Variants in PKHD1L1 observed in about 807,000 individuals in gnomAD.
PKHD1L1 encodes PKHD1 like 1.
In PKHD1L1, 434 loss-of-function variants were observed where a neutral mutation model predicts 462.9. The ratio of observed to expected loss-of-function variants is 0.94; its 90% CI spans 0.87 to 1.02. PKHD1L1 has a LOEUF of 1.02. Among genes scored for constraint, PKHD1L1 ranks in the 50% least tolerant of loss-of-function variants. PKHD1L1 has a pLI of 0.00. For missense variants in PKHD1L1, 5,202 were observed against 5,096.1 expected (o/e 1.02, Z -0.63); for synonymous variants, 1,781 against 1,750.0 (o/e 1.02, Z -0.44).
At position 109,389,160 on chromosome 8, in the gene PKHD1L1, T is replaced by C; in HGVS notation, c.697+8T>C. 2 of 1,598,022 alleles carry C rather than the reference T, an allele frequency of 1.3e-6. No individual in the cohort carries two copies. The highest frequency in any genetic ancestry group is 1.1e-5 in the South Asian group (1 of 90,344). On this transcript the variant is annotated splice_region_variant and intron_variant, in intron 8 of 77. Transcript: ENST00000378402. ...CGACTGGAACTTTTATTGGCAAGTG[T>C]TGGTCATCTTTCTTCATAATGCTCA...
rs1821006104 is a variant in PKHD1L1, at chr8:109,530,265, ATTTGT to A, written c.*180_*184del. 6.0e-6 allele frequency: 2 copies of A among 334,086 alleles called. No homozygotes were observed. Among genetic ancestry groups the A allele is most frequent in the African/African-American group, 2.2e-5 (1 of 45,964 alleles). 20.7% of individuals were successfully genotyped at this position (334,086 alleles called of 1,614,324 possible). ...AAAATCAGATTTCTTCAAAATATAAATTTGTTTTGATTCTTTATATTTATATGTTT... is the reference window on the plus strand; with the variant it reads ...AAAATCAGATTTCTTCAAAATATAAATTTGATTCTTTATATTTATATGTTT... On this transcript the variant is annotated 3_prime_UTR_variant, in exon 78 of 78. Coordinates refer to ENST00000378402, the MANE Select transcript of PKHD1L1 (RefSeq NM_177531.6).
At chr8:109,363,073 C>T (rs1220725958) in intron 1 of PKHD1L1, among the ~76,000 whole-genome samples, 3 of 152,166 alleles carry the variant, frequency 2.0e-5, no homozygotes, top group Admixed American at 2.0e-4. Context: ...CCCAGTAGGA[C>T]GGGGATGGGA....
At chr8:109,483,670 AAT>A (rs1482038512) in intron 57 of PKHD1L1, among the ~76,000 whole-genome samples, 1 of 150,860 alleles carries the variant, frequency 6.6e-6, no homozygotes, top group Non-Finnish European at 1.5e-5. Flanking sequence ...ATAAAAGAAA[AAT>A]ATGAACATTT....
intron 37 of PKHD1L1, among the ~76,000 whole-genome samples, chr8:109,444,264 C>T (rs1407401636): frequency 6.6e-6 from 1 of 152,108 alleles, no homozygotes; most frequent in Non-Finnish European, 1.5e-5. Flanking sequence ...AATATGTGGT[C>T]CATTGTGACC....
At chr8:109,524,767 T>C (rs2131038626) in intron 76 of PKHD1L1, among the ~76,000 whole-genome samples, 1 of 152,120 alleles carries the variant, frequency 6.6e-6, no homozygotes. Flanking sequence ...TCTTCACCTG[T>C]GTGTTTCCTT....
rs559521963 is a variant in PKHD1L1, at chr8:109,444,585, T to C, written c.4792-76T>C. The C allele has an allele frequency of 1.0e-3, 1,368 of 1,329,066 alleles. 1 individual carries two copies. Among genetic ancestry groups the C allele is most frequent in the Non-Finnish European group, 1.3e-3 (1,272 of 970,566 alleles). 82.3% of individuals were successfully genotyped at this position (1,329,066 alleles called of 1,614,324 possible). A position where few individuals can be genotyped will look rare whatever the true frequency, so the allele number is the denominator to read the frequency against. On this transcript the variant is annotated intron_variant, in intron 37 of 77. Coordinates refer to ENST00000378402, the MANE Select transcript of PKHD1L1 (RefSeq NM_177531.6). Reference sequence around the variant, plus strand: ...CATGATTAACTTTTAAAATTTGTAGTTGTTGCTAATACAAAATTTGTTTAT... The same window carrying C: ...CATGATTAACTTTTAAAATTTGTAGCTGTTGCTAATACAAAATTTGTTTAT...
chr8:109,371,990 C>G (rs1321293393), intron 2 of PKHD1L1, among the ~76,000 whole-genome samples: 1 of 152,028 alleles, frequency 6.6e-6, no homozygotes, highest in Non-Finnish European at 1.5e-5. Context: ...GATGCAGGCT[C>G]TTTTTTGGTT....
At chr8:109,529,179 G>T (rs1320021877) in intron 77 of PKHD1L1, among the ~76,000 whole-genome samples, 1 of 152,106 alleles carries the variant, frequency 6.6e-6, no homozygotes, top group Non-Finnish European at 1.5e-5. Flanking sequence ...CAAACTGCTG[G>T]GCTTTCATGA....
At chr8:109,528,028 G>A (rs1172989747) in intron 77 of PKHD1L1, among the ~76,000 whole-genome samples, 1 of 152,142 alleles carries the variant, frequency 6.6e-6, no homozygotes, top group African/African-American at 2.4e-5. Flanking sequence ...TAATAAAGGT[G>A]CTAGTACGAG....
intron 11 of PKHD1L1, among the ~76,000 whole-genome samples, chr8:109,397,074 T>C (rs1377011036): frequency 1.3e-5 from 2 of 152,248 alleles, no homozygotes; most frequent in Non-Finnish European, 2.9e-5. Flanking sequence ...TTTTATGTTT[T>C]AAACATTAAA....
chr8:109,459,022 C>T (rs1242849907), intron 46 of PKHD1L1, among the ~76,000 whole-genome samples: 2 of 152,126 alleles, frequency 1.3e-5, no homozygotes, highest in Non-Finnish European at 2.9e-5. Flanking sequence ...AACGAGACCT[C>T]CTAAGCTTCA....
intron 76 of PKHD1L1, among the ~76,000 whole-genome samples, chr8:109,525,447 C>T (rs1563640804): frequency 6.6e-6 from 1 of 152,194 alleles, no homozygotes; most frequent in African/African-American, 2.4e-5. Flanking sequence ...TTCATTTGCT[C>T]ACAATTGTGT....
chr8:109,436,982 C>T (rs573866602), intron 30 of PKHD1L1, among the ~76,000 whole-genome samples: 81 of 152,350 alleles, frequency 5.3e-4, no homozygotes, highest in African/African-American at 1.8e-3. Context: ...ATGGCACGAT[C>T]TCGCCTCACT....
At position 109,381,575 on chromosome 8, in the gene PKHD1L1, A is replaced by G. The variant is rs775041430; in HGVS notation, c.308+61A>G. ...ATCATATCAGAAGTTACAGTTATGAATATTAGTATTATAATAGTTTTATTA... is the reference window on the plus strand; with the variant it reads ...ATCATATCAGAAGTTACAGTTATGAGTATTAGTATTATAATAGTTTTATTA... On this transcript the variant is annotated intron_variant, in intron 3 of 77. Coordinates refer to ENST00000378402, the MANE Select transcript of PKHD1L1 (RefSeq NM_177531.6). 130 of 1,233,392 alleles carry G rather than the reference A, an allele frequency of 1.1e-4. 1 individual carries two copies. The highest frequency in any genetic ancestry group is 1.4e-4 in the Non-Finnish European group (125 of 896,480). The allele number at this position is 1,233,392 out of a possible 1,614,324, so 76.4% of individuals were successfully genotyped here. A position where few individuals can be genotyped will look rare whatever the true frequency, so the allele number is the denominator to read the frequency against.
intron 75 of PKHD1L1, 77 bp downstream of exon 75, chr8:109,522,967 T>C: frequency 7.1e-7 from 1 of 1,407,042 alleles, no homozygotes; most frequent in South Asian, 1.4e-5. Context: ...GTTTCACTCA[T>C]CCTGGTGTGC....
chr8:109,378,676 A>G (rs1042784738), intron 2 of PKHD1L1, among the ~76,000 whole-genome samples: 2 of 152,268 alleles, frequency 1.3e-5, no homozygotes, highest in African/African-American at 4.8e-5. Context: ...TCTCACTATC[A>G]GCCTCTCTGG....
chr8:109,394,469 G>C lies in PKHD1L1; in HGVS notation c.795G>C (p.Met265Ile). 6.6e-7 allele frequency: 1 copy of C among 1,525,148 alleles called. No homozygotes were observed. The highest frequency in any genetic ancestry group is 8.8e-7 in the Non-Finnish European group (1 of 1,130,688). The allele number at this position is 1,525,148 out of a possible 1,614,324, so 94.5% of individuals were successfully genotyped here. ...TTTCTTCTCTCAATAAAATTGCAAT[G>C]TTTCAAACATATGCAGGTATGTGAC... The part of the protein sequence containing the change: ...YFVSSLNKIA[M>I]FQTYAEVTMI... Residue 265 changes from methionine to isoleucine, a missense_variant, in exon 10 of 78, where the codon ATG (methionine) becomes ATC (isoleucine). Met to Ile is a conservative substitution (Grantham distance 10). This residue lies in a region of PKHD1L1 where 4,497 missense variants were observed against 4,336.8 expected (regional missense o/e 1.04). Coordinates refer to ENST00000378402, the MANE Select transcript of PKHD1L1 (RefSeq NM_177531.6).
In PKHD1L1 at chr8:109,522,749, T is replaced by C; in HGVS notation, c.12189T>C (p.Thr4063=). ...CATCCCTTGTGCATTCACAGGTGAC[T>C]GCCCAGCCAGTTGAAAGGTCTGCAT... ...SPSDSGWIKV[T]AQPVERSAFP... Residue 4063 remains threonine (T), a synonymous_variant, in exon 75 of 78, where the codon ACT becomes ACC. Coordinates refer to ENST00000378402, the MANE Select transcript of PKHD1L1 (RefSeq NM_177531.6). The C allele has an allele frequency of 1.2e-6, 2 of 1,608,864 alleles. No individual in the cohort carries two copies. Among genetic ancestry groups the C allele is most frequent in the Non-Finnish European group, 1.7e-6 (2 of 1,178,594 alleles).
chr8:109,391,185 G>C (rs910951198), intron 9 of PKHD1L1, among the ~76,000 whole-genome samples: 1 of 152,118 alleles, frequency 6.6e-6, no homozygotes, highest in Non-Finnish European at 1.5e-5. Flanking sequence ...AGCTCCCAAG[G>C]ATAAACCGAG....
Sources: allele counts gnomAD v4.1 joint callset (sites outside exome capture counted in the v4.1 genomes callset), GRCh38; gene constraint gnomAD v4.1.1; regional missense constraint gnomAD v4.1.1; transcripts MANE v1.5; gene names NCBI Gene and HGNC (gene_info 2026-07-23, HGNC 2026-07-21).